Variants in WWOX observed in about 807,000 individuals in gnomAD.
The protein encoded by WWOX is WW domain-containing oxidoreductase.
In WWOX, 69 loss-of-function variants were observed where a neutral mutation model predicts 46.2. That is an observed-to-expected ratio of 1.49 (90% CI 1.23 to 1.82). The LOEUF is 1.82. Among genes scored for constraint, WWOX ranks in the 40% most tolerant of loss-of-function variants. WWOX has a pLI of 0.00. For missense variants in WWOX, 919 were observed against 542.6 expected (o/e 1.69, Z -6.89); for synonymous variants, 359 against 202.6 (o/e 1.77, Z -6.56).
intron 5 of WWOX, among the ~76,000 whole-genome samples, chr16:78,223,765 C>T (rs561223132): frequency 5.9e-4 from 90 of 152,060 alleles, no homozygotes; most frequent in Non-Finnish European, 9.7e-4. Flanking sequence ...TCAAATGGAG[C>T]TGAGAAATGA....
At position 78,613,107 on chromosome 16, in the gene WWOX, T is replaced by C. The variant is rs141377758; in HGVS notation, c.1056+180355T>C. Among the ~76,000 whole-genome samples, 415 of 152,236 alleles carry C rather than the reference T, an allele frequency of 2.7e-3. 2 individuals are homozygous for C. Among genetic ancestry groups the C allele is most frequent in the African/African-American group, 9.4e-3 (392 of 41,552 alleles). On this transcript the variant is annotated intron_variant, in intron 8 of 8. Transcript: ENST00000566780. ...CATGGTTTCTGCCCTCAGCTTCTCT[T>C]GCATGGGGCCTTCCTGCTTGCTCCT...
intron 8 of WWOX, among the ~76,000 whole-genome samples, chr16:79,074,442 T>TTTC (rs2048614894): frequency 8.6e-6 from 1 of 116,306 alleles, no homozygotes; most frequent in East Asian, 2.4e-4. Flanking sequence ...TTTTTTTTTT[T>TTTC]GGTCATATTT....
At chr16:78,205,622 C>G (rs1419505938) in intron 5 of WWOX, among the ~76,000 whole-genome samples, 1 of 151,918 alleles carries the variant, frequency 6.6e-6, no homozygotes, top group South Asian at 2.1e-4. Context: ...TCTGCCTTTC[C>G]AATTATCCAC....
Position 79,013,124 on chromosome 16 carries a change from C to G in WWOX, c.1057-198484C>G, listed in dbSNP as rs1042677560. 7.9e-5 allele frequency among the ~76,000 whole-genome samples: 12 copies of G among 152,280 alleles called. 1 individual carries two copies. The highest frequency in any genetic ancestry group is 3.3e-4 in the Admixed American group (5 of 15,292). ...GAAGTTGGTGGTCCTCCAGAATTGC[C>G]CTGTTGAGGGTATCTCCCTGCCCTG... On this transcript the variant is annotated intron_variant, in intron 8 of 8. Coordinates refer to ENST00000566780, the MANE Select transcript of WWOX (RefSeq NM_016373.4).
chr16:78,831,343 A>T (rs141300037), intron 8 of WWOX, among the ~76,000 whole-genome samples: 172 of 152,328 alleles, frequency 1.1e-3, no homozygotes, highest in African/African-American at 4.1e-3. Context: ...AGCCTCCAAG[A>T]TGTATCCTAA....
chr16:78,104,869 G>T (rs969197113), intron 1 of WWOX, among the ~76,000 whole-genome samples: 4 of 152,206 alleles, frequency 2.6e-5, no homozygotes, highest in Non-Finnish European at 5.9e-5. Context: ...AGTAAGTGCT[G>T]TTATTGTCCC....
At chr16:79,014,498 C>G (rs1422506809) in intron 8 of WWOX, among the ~76,000 whole-genome samples, 1 of 152,146 alleles carries the variant, frequency 6.6e-6, no homozygotes, top group East Asian at 1.9e-4. Flanking sequence ...TCAGGGAAAT[C>G]CAGCCGTTGC....
chr16:78,508,844 C>G (rs1597186186), intron 8 of WWOX, among the ~76,000 whole-genome samples: 1 of 152,180 alleles, frequency 6.6e-6, no homozygotes, highest in Admixed American at 6.5e-5. Flanking sequence ...TGTTTCCTCT[C>G]TCTCCTTGGT....
chr16:79,200,885 G>T (rs896149012), intron 8 of WWOX, among the ~76,000 whole-genome samples: 1 of 152,136 alleles, frequency 6.6e-6, no homozygotes, highest in African/African-American at 2.4e-5. Context: ...GGAGGTGCAG[G>T]CTTCATCTAT....
chr16:78,351,458 G>A (rs1442488149), intron 5 of WWOX, among the ~76,000 whole-genome samples: 1 of 152,170 alleles, frequency 6.6e-6, no homozygotes. Context: ...GGGGTGAGGG[G>A]GGATATCATA....
At chr16:78,515,015 A>G (rs1420781174) in intron 8 of WWOX, among the ~76,000 whole-genome samples, 1 of 152,126 alleles carries the variant, frequency 6.6e-6, no homozygotes, top group Non-Finnish European at 1.5e-5. Context: ...AAGTCAGGAC[A>G]TCAAGACCAG....
intron 5 of WWOX, among the ~76,000 whole-genome samples, chr16:78,212,148 T>C (rs192466762): frequency 1.7e-4 from 26 of 152,322 alleles, no homozygotes; most frequent in African/African-American, 6.0e-4. Context: ...GGCTAGCACC[T>C]GGCCTCAGCT....
At chr16:78,445,953 T>G (rs2083551358) in intron 8 of WWOX, among the ~76,000 whole-genome samples, 1 of 152,176 alleles carries the variant, frequency 6.6e-6, no homozygotes, top group Non-Finnish European at 1.5e-5. Context: ...GCCTAGCCTT[T>G]GCTGTGCTTT....
chr16:78,357,110 C>T (rs1488893076), intron 5 of WWOX, among the ~76,000 whole-genome samples: 3 of 152,172 alleles, frequency 2.0e-5, no homozygotes, highest in Admixed American at 2.0e-4. Context: ...ATAGACCTTC[C>T]TTTCTCAGAG....
At chr16:78,850,002 A>C (rs575142463) in intron 8 of WWOX, among the ~76,000 whole-genome samples, 4 of 151,924 alleles carry the variant, frequency 2.6e-5, no homozygotes, top group South Asian at 4.2e-4. Context: ...AACCTGGGAG[A>C]TGGAGGTTGT....
At chr16:78,593,391 T>C (rs1431899266) in intron 8 of WWOX, among the ~76,000 whole-genome samples, 3 of 152,120 alleles carry the variant, frequency 2.0e-5, no homozygotes, top group Non-Finnish European at 2.9e-5. Flanking sequence ...TGCCCAGCAT[T>C]TTCCCCCATC....
chr16:78,960,326 T>C (rs1250094168), intron 8 of WWOX, among the ~76,000 whole-genome samples: 1 of 152,194 alleles, frequency 6.6e-6, no homozygotes, highest in East Asian at 1.9e-4. Flanking sequence ...ACGTTTGGCT[T>C]GTGGTATATT....
intron 8 of WWOX, chr16:78,981,629 G>C (rs144935283): frequency 2.7e-4 from 41 of 152,186 alleles, no homozygotes; most frequent in African/African-American, 9.4e-4. Context: ...TTAGAGATGG[G>C]GTGGCCAGGC....
intron 8 of WWOX, among the ~76,000 whole-genome samples, chr16:78,848,797 C>CT (rs34992827): frequency 8.7e-5 from 13 of 148,900 alleles, no homozygotes; most frequent in South Asian, 2.1e-4. Context: ...ACACAGAGAC[C>CT]TTTTTTTTTT....
Sources: gnomAD v4.1 joint callset for allele counts (sites outside exome capture counted in the v4.1 genomes callset) on GRCh38, gnomAD v4.1.1 for gene constraint, MANE v1.5 for transcripts, NCBI Gene and HGNC (gene_info 2026-07-23, HGNC 2026-07-21) for gene names.